ATRNL1: variants seen among roughly 807,000 people sequenced by gnomAD.
The protein encoded by ATRNL1 is attractin-like protein 1.
In ATRNL1, 95 loss-of-function variants were observed where a neutral mutation model predicts 182.7. That is an observed-to-expected ratio of 0.52 (90% confidence interval 0.44 to 0.62). The LOEUF is 0.62. ATRNL1 is among the 20% of genes least tolerant of loss of function. The pLI is 0.00. For missense variants in ATRNL1, 1,471 were observed against 1,679.5 expected (o/e 0.88, Z 2.17); for synonymous variants, 576 against 568.3 (o/e 1.01, Z -0.19).
chr10:115,701,157 C>G (rs1054344151), intron 26 of ATRNL1, among the ~76,000 whole-genome samples: 6 of 151,974 alleles, frequency 3.9e-5, no homozygotes. Flanking sequence ...TAAGATCTCT[C>G]AAAACCACAC....
chr10:115,501,391 C>A (rs1849829483), intron 24 of ATRNL1, among the ~76,000 whole-genome samples: 1 of 152,112 alleles, frequency 6.6e-6, no homozygotes, highest in Admixed American at 6.6e-5. Flanking sequence ...AGGTTATGAA[C>A]CCTGTTACAG....
At chr10:115,813,523 C>T (rs1327795194) in intron 27 of ATRNL1, among the ~76,000 whole-genome samples, 1 of 152,122 alleles carries the variant, frequency 6.6e-6, no homozygotes, top group Non-Finnish European at 1.5e-5. Flanking sequence ...ATATCAAAAA[C>T]TGATTTTATG....
rs182340861 is a variant in ATRNL1, at chr10:115,654,297, G to A, written c.3796-72951G>A. 2.2e-3 allele frequency among the ~76,000 whole-genome samples: 334 copies of A among 151,584 alleles called. 13 individuals carry two copies. In the East Asian group the frequency reaches 0.05, roughly 23 times the overall value. On this transcript the variant is annotated intron_variant, in intron 26 of 28. Transcript: ENST00000355044. ...TGCAGTGGCGCGATCTTGGCTCACTGCAACCTCTGCCTCTCGGGTTCAAGC... is the reference window on the plus strand; with the variant it reads ...TGCAGTGGCGCGATCTTGGCTCACTACAACCTCTGCCTCTCGGGTTCAAGC...
At chr10:115,565,669 A>G (rs1200622793) in intron 26 of ATRNL1, among the ~76,000 whole-genome samples, 1 of 152,160 alleles carries the variant, frequency 6.6e-6, no homozygotes, top group Non-Finnish European at 1.5e-5. Flanking sequence ...ATGGTACAAT[A>G]GCATCCAAAT....
intron 20 of ATRNL1, among the ~76,000 whole-genome samples, chr10:115,400,230 G>A (rs1344987297): frequency 6.6e-6 from 1 of 151,916 alleles, no homozygotes; most frequent in East Asian, 1.9e-4. Context: ...TCCTTACACT[G>A]TTAATGCAAA....
chr10:115,913,766 G>A (rs192909745), intron 28 of ATRNL1, among the ~76,000 whole-genome samples: 138 of 152,274 alleles, frequency 9.1e-4, no homozygotes, highest in Non-Finnish European at 1.5e-3. Flanking sequence ...GTCACAATGC[G>A]TGGCCCACAG....
chr10:115,127,466 CT>C, intron 3 of ATRNL1, 126 bp from the exon 4 acceptor site: 1 of 663,994 alleles, frequency 1.5e-6, no homozygotes, highest in Non-Finnish European at 2.4e-6. Flanking sequence ...ATGTATTCTC[CT>C]TTTAGTTGCC....
intron 19 of ATRNL1, among the ~76,000 whole-genome samples, chr10:115,373,478 G>T (rs1166005892): frequency 6.6e-6 from 1 of 151,920 alleles, no homozygotes; most frequent in African/African-American, 2.4e-5. Context: ...TCACTAATGA[G>T]TATGATGTTA....
At chr10:115,870,095 A>G (rs781814935) in intron 28 of ATRNL1, among the ~76,000 whole-genome samples, 1 of 150,350 alleles carries the variant, frequency 6.7e-6, no homozygotes, top group African/African-American at 2.5e-5. Flanking sequence ...GCTAGTATGT[A>G]TGAACCATAC....
chr10:115,594,789 G>A (rs1856130936), intron 26 of ATRNL1, among the ~76,000 whole-genome samples: 1 of 152,168 alleles, frequency 6.6e-6, no homozygotes, highest in Admixed American at 6.5e-5. Context: ...ACAGATGTGA[G>A]CCACCATGCC....
chr10:115,595,861 A>C (rs1462105264), intron 26 of ATRNL1, among the ~76,000 whole-genome samples: 1 of 152,194 alleles, frequency 6.6e-6, no homozygotes, highest in Non-Finnish European at 1.5e-5. Flanking sequence ...AAATGTCAGT[A>C]TATTTATTGT....
intron 27 of ATRNL1, among the ~76,000 whole-genome samples, chr10:115,768,128 A>G (rs1948901764): frequency 6.6e-6 from 1 of 152,094 alleles, no homozygotes. Context: ...TTTGTGTGCT[A>G]CCTCTTCCAG....
chr10:115,323,225 C>G (rs577021224), intron 18 of ATRNL1, among the ~76,000 whole-genome samples: 22 of 152,060 alleles, frequency 1.4e-4, no homozygotes, highest in Admixed American at 3.9e-4. Flanking sequence ...GTCAGTCTAT[C>G]TTTAAGCTTG....
chr10:115,266,359 A>G (rs565024941), intron 11 of ATRNL1, among the ~76,000 whole-genome samples: 18 of 151,874 alleles, frequency 1.2e-4, no homozygotes, highest in African/African-American at 4.3e-4. Context: ...TTGAAAAGTT[A>G]TAATTCTAGA....
At chr10:115,142,916 A>G (rs1209288899) in intron 5 of ATRNL1, among the ~76,000 whole-genome samples, 14 of 152,194 alleles carry the variant, frequency 9.2e-5, no homozygotes, top group African/African-American at 3.4e-4. Flanking sequence ...GTTGTCATCA[A>G]CTAATATGAG....
intron 19 of ATRNL1, among the ~76,000 whole-genome samples, chr10:115,380,113 AGCCGCCGCGCCTG>A (rs1554950682): frequency 2.0e-5 from 3 of 152,196 alleles, no homozygotes; most frequent in African/African-American, 7.2e-5. Flanking sequence ...TACAGTCGTG[AGCCGCCGCGCCTG>A]GCCAACTTTA....
At chr10:115,389,569 T>TATATAC in intron 19 of ATRNL1, among the ~76,000 whole-genome samples, 1 of 120,084 alleles carries the variant, frequency 8.3e-6, no homozygotes, top group Non-Finnish European at 1.8e-5. Context: ...TATATATATA[T>TATATAC]ATATATATAT....
chr10:115,838,913 C>T (rs782774252), intron 27 of ATRNL1, among the ~76,000 whole-genome samples: 7 of 152,202 alleles, frequency 4.6e-5, no homozygotes, highest in Non-Finnish European at 1.0e-4. Context: ...TAGTTTCATA[C>T]ATGCTTTTGT....
intron 21 of ATRNL1, among the ~76,000 whole-genome samples, chr10:115,433,057 A>G (rs1846243003): frequency 6.6e-6 from 1 of 152,052 alleles, no homozygotes; most frequent in Admixed American, 6.5e-5. Context: ...TATACTTCCA[A>G]GTAATTGAAC....
Sources: allele counts gnomAD v4.1 joint callset (sites outside exome capture counted in the v4.1 genomes callset), GRCh38; gene constraint gnomAD v4.1.1; transcripts MANE v1.5; gene names NCBI Gene and HGNC (gene_info 2026-07-23, HGNC 2026-07-21).